The following PALM2AKAP2 variants were observed in gnomAD, a reference collection of about 807,000 sequenced individuals.
The protein encoded by PALM2AKAP2 is PALM2-AKAP2 fusion protein.
PALM2AKAP2 carries 37 observed loss-of-function variants against 71.5 expected under a neutral mutation model. The ratio of observed to expected loss-of-function variants is 0.52; its 90% confidence interval spans 0.40 to 0.68. The LOEUF is 0.68. PALM2AKAP2 is among the 30% of genes least tolerant of loss of function. The pLI is 0.00. For synonymous variants in PALM2AKAP2, 468 were observed against 478.8 expected (o/e 0.98, Z 0.29); for missense variants, 1,224 against 1,191.8 (o/e 1.03, Z -0.40).
upstream of PALM2AKAP2, among the ~76,000 whole-genome samples, chr9:109,776,751 G>A (rs1309159089): frequency 1.3e-5 from 2 of 152,232 alleles, no homozygotes; most frequent in Non-Finnish European, 2.9e-5. Context: ...ATATGAACAA[G>A]TCTGTTACAC....
chr9:110,085,271 T>C (rs10125664), intron 1 of PALM2AKAP2, among the ~76,000 whole-genome samples: 2,500 of 152,250 alleles, frequency 0.016, 53 homozygotes, highest in African/African-American at 0.058. Context: ...AAAGAGAATG[T>C]GTACAAAGGA....
At chr9:109,941,759 C>T (rs1831375813) in intron 6 of PALM2AKAP2, among the ~76,000 whole-genome samples, 1 of 152,134 alleles carries the variant, frequency 6.6e-6, no homozygotes, top group Admixed American at 6.5e-5. Flanking sequence ...CAACCCCAGA[C>T]TGGCAGCAAG....
At chr9:110,134,773 C>G (rs1835810092) in intron 1 of PALM2AKAP2, among the ~76,000 whole-genome samples, 1 of 151,730 alleles carries the variant, frequency 6.6e-6, no homozygotes, top group Non-Finnish European at 1.5e-5. Context: ...AAATTACACT[C>G]TCTTGCAATT....
intron 1 of PALM2AKAP2, among the ~76,000 whole-genome samples, chr9:109,670,454 CTT>C (rs1157900074): frequency 2.0e-5 from 3 of 152,102 alleles, no homozygotes; most frequent in Non-Finnish European, 2.9e-5. Context: ...TGATCTTGTT[CTT>C]TTGTGTGGCT....
intron 1 of PALM2AKAP2, among the ~76,000 whole-genome samples, chr9:109,724,893 G>C (rs1045811667): frequency 6.6e-6 from 1 of 151,966 alleles, no homozygotes; most frequent in African/African-American, 2.4e-5. Context: ...AATATTTAAG[G>C]CATTGATCCT....
chr9:110,009,888 G>A (rs1832849701), intron 6 of PALM2AKAP2, among the ~76,000 whole-genome samples: 1 of 152,046 alleles, frequency 6.6e-6, no homozygotes, highest in Admixed American at 6.5e-5. Context: ...GCACACCTCT[G>A]TCTGCCCTCA....
chr9:110,093,638 A>C lies in PALM2AKAP2; in HGVS notation c.157-42489A>C, dbSNP rs1834766375. Among the ~76,000 whole-genome samples, 3 of 152,198 alleles carry C rather than the reference A, an allele frequency of 2.0e-5. 1 individual carries two copies. In the South Asian group the frequency reaches 6.2e-4, roughly 32 times the overall value. On this transcript the variant is annotated intron_variant, in intron 1 of 3. Coordinates refer to ENST00000374525, the Ensembl canonical transcript of PALM2AKAP2. Reference sequence around the variant, plus strand: ...CATCTAGAATAAAGCCCAGATTCCCAAACCTGACATTTGTGATCTGGGGCC... The same window carrying C: ...CATCTAGAATAAAGCCCAGATTCCCCAACCTGACATTTGTGATCTGGGGCC...
At chr9:109,873,101 C>A (rs953822857) in intron 2 of PALM2AKAP2, among the ~76,000 whole-genome samples, 1 of 152,186 alleles carries the variant, frequency 6.6e-6, no homozygotes, top group Non-Finnish European at 1.5e-5. Flanking sequence ...GGACAGGACA[C>A]AGATAAATGA....
chr9:109,914,035 C>T (rs548549368), intron 3 of PALM2AKAP2, among the ~76,000 whole-genome samples: 3 of 152,246 alleles, frequency 2.0e-5, no homozygotes, highest in African/African-American at 7.2e-5. Flanking sequence ...GGATTACAGG[C>T]GTGAACCACC....
intron 1 of PALM2AKAP2, among the ~76,000 whole-genome samples, chr9:109,682,427 T>G (rs143137686): frequency 1.3e-5 from 2 of 152,342 alleles, no homozygotes. Context: ...CATCTGTTTA[T>G]GTACATATTT....
chr9:109,723,290 A>G (rs2118639049), intron 1 of PALM2AKAP2, among the ~76,000 whole-genome samples: 1 of 152,340 alleles, frequency 6.6e-6, no homozygotes, highest in Middle Eastern at 3.4e-3. Context: ...AAGTCTAATT[A>G]TGATGACCCA....
chr9:110,086,146 A>T (rs902481160), intron 1 of PALM2AKAP2, among the ~76,000 whole-genome samples: 1 of 151,902 alleles, frequency 6.6e-6, no homozygotes, highest in African/African-American at 2.4e-5. Flanking sequence ...AAGAGTTGCA[A>T]GTGGTATAAG....
At chr9:110,052,133 ACCTCGTGATCTGCCCG>A (rs1396515697) in intron 1 of PALM2AKAP2, among the ~76,000 whole-genome samples, 3 of 152,084 alleles carry the variant, frequency 2.0e-5, no homozygotes, top group Non-Finnish European at 4.4e-5. Context: ...CGATCTCCTG[ACCTCGTGATCTGCCCG>A]CCTCGGCCTC....
At chr9:110,131,704 T>C (rs1052104985) in intron 1 of PALM2AKAP2, among the ~76,000 whole-genome samples, 1 of 152,234 alleles carries the variant, frequency 6.6e-6, no homozygotes, top group Non-Finnish European at 1.5e-5. Flanking sequence ...TTCGCTCTTT[T>C]GTTATCATTG....
At chr9:109,648,697 G>A (rs972285123) in intron 1 of PALM2AKAP2, among the ~76,000 whole-genome samples, 6 of 152,138 alleles carry the variant, frequency 3.9e-5, no homozygotes, top group Non-Finnish European at 8.8e-5. Flanking sequence ...CTGAGGCAGG[G>A]CCATGCTTTG....
intron 1 of PALM2AKAP2, among the ~76,000 whole-genome samples, chr9:110,124,857 A>T (rs779914866): frequency 2.0e-5 from 3 of 152,208 alleles, no homozygotes; most frequent in Non-Finnish European, 4.4e-5. Context: ...TAACATAAAA[A>T]GTGCTTGTGA....
At chr9:110,120,722 C>G (rs375511398) in intron 1 of PALM2AKAP2, among the ~76,000 whole-genome samples, 11 of 152,320 alleles carry the variant, frequency 7.2e-5, no homozygotes, top group African/African-American at 2.6e-4. Flanking sequence ...CCAGGCTGGT[C>G]TTGAACTCCT....
intron 6 of PALM2AKAP2, chr9:109,943,346 G>A: frequency 6.2e-7 from 1 of 1,614,198 alleles, no homozygotes; most frequent in Non-Finnish European, 8.5e-7. Flanking sequence ...TCCCCAGAAG[G>A]GAAGGAAGAG....
intron 2 of PALM2AKAP2, among the ~76,000 whole-genome samples, chr9:109,873,991 T>C (rs925559462): frequency 3.9e-5 from 6 of 152,004 alleles, no homozygotes; most frequent in African/African-American, 4.8e-5. Flanking sequence ...AAATAAAAAA[T>C]AAAGGAAAGT....
Sources: gnomAD v4.1 joint callset for allele counts (sites outside exome capture counted in the v4.1 genomes callset) on GRCh38, gnomAD v4.1.1 for gene constraint, MANE v1.5 for transcripts, NCBI Gene and HGNC (gene_info 2026-07-23, HGNC 2026-07-21) for gene names.